ASAP2: variants seen among roughly 807,000 people sequenced by gnomAD.
ASAP2 encodes arf-GAP with SH3 domain, ANK repeat and PH domain-containing protein 2.
ASAP2 carries 45 observed loss-of-function variants against 131.4 expected under a neutral mutation model. That is an observed-to-expected ratio of 0.34 (90% CI 0.27 to 0.44). The LOEUF (loss-of-function observed/expected upper bound fraction) is 0.44. Among genes scored for constraint, ASAP2 ranks in the 20% least tolerant of loss-of-function variants. The pLI, the probability that ASAP2 is intolerant of heterozygous loss-of-function variation, is 1.00. For missense variants in ASAP2, 1,011 were observed against 1,297.0 expected (o/e 0.78, Z 3.39); for synonymous variants, 510 against 503.0 (o/e 1.01, Z -0.19).
intron 3 of ASAP2, among the ~76,000 whole-genome samples, chr2:9,299,677 G>T (rs1316544141): frequency 6.6e-6 from 1 of 152,220 alleles, no homozygotes; most frequent in South Asian, 2.1e-4. Flanking sequence ...GGCTGACGAC[G>T]TAGGAGACGG....
At chr2:9,344,041 T>G (rs578239646) in intron 9 of ASAP2, among the ~76,000 whole-genome samples, 1 of 152,322 alleles carries the variant, frequency 6.6e-6, no homozygotes, top group Non-Finnish European at 1.5e-5. Flanking sequence ...TCCTTACTGT[T>G]TATTGGCCTT....
intron 20 of ASAP2, among the ~76,000 whole-genome samples, chr2:9,382,606 T>C (rs1421909437): frequency 6.6e-6 from 1 of 152,236 alleles, no homozygotes; most frequent in Non-Finnish European, 1.5e-5. Flanking sequence ...AATGAGCACA[T>C]TCATTCTCCT....
intron 1 of ASAP2, among the ~76,000 whole-genome samples, chr2:9,215,155 C>T (rs909037999): frequency 6.6e-6 from 1 of 152,088 alleles, no homozygotes; most frequent in Non-Finnish European, 1.5e-5. Flanking sequence ...TGTTGAATAC[C>T]GTGGTAACTG....
chr2:9,354,440 G>A (rs1368061626), intron 12 of ASAP2, among the ~76,000 whole-genome samples: 4 of 152,190 alleles, frequency 2.6e-5, no homozygotes, highest in African/African-American at 9.7e-5. Flanking sequence ...TTTTTCCTCA[G>A]AGGTTTGCCT....
chr2:9,351,664 C>T (rs954980266), intron 12 of ASAP2, among the ~76,000 whole-genome samples: 2 of 152,168 alleles, frequency 1.3e-5, no homozygotes, highest in Non-Finnish European at 2.9e-5. Context: ...GTTCTCTGTG[C>T]CTCAGTACCC....
At chr2:9,372,332 A>G (rs1461965823) in intron 16 of ASAP2, among the ~76,000 whole-genome samples, 1 of 152,182 alleles carries the variant, frequency 6.6e-6, no homozygotes, top group Non-Finnish European at 1.5e-5. Context: ...CAGGAATAAA[A>G]TGGGTCTTCC....
chr2:9,353,830 C>T (rs1347904080), intron 12 of ASAP2, among the ~76,000 whole-genome samples: 1 of 151,860 alleles, frequency 6.6e-6, no homozygotes, highest in Non-Finnish European at 1.5e-5. Flanking sequence ...GGAATTGGGG[C>T]CAGGGGCAGT....
intron 2 of ASAP2, among the ~76,000 whole-genome samples, chr2:9,286,286 T>C (rs1667454250): frequency 6.6e-6 from 1 of 152,050 alleles, no homozygotes; most frequent in South Asian, 2.1e-4. Flanking sequence ...TAGTCCCAGC[T>C]GTTTGGGAGG....
At chr2:9,333,069 G>A (rs1349657140) in intron 7 of ASAP2, among the ~76,000 whole-genome samples, 1 of 152,156 alleles carries the variant, frequency 6.6e-6, no homozygotes, top group East Asian at 1.9e-4. Flanking sequence ...TGTTTTCACG[G>A]CGCCTTCTGT....
intron 3 of ASAP2, among the ~76,000 whole-genome samples, chr2:9,299,785 A>G (rs986744173): frequency 6.6e-6 from 1 of 152,204 alleles, no homozygotes; most frequent in African/African-American, 2.4e-5. Flanking sequence ...ACATGGAGAT[A>G]ATAATACCAT....
intron 9 of ASAP2, among the ~76,000 whole-genome samples, chr2:9,340,302 T>G (rs895119600): frequency 6.6e-6 from 1 of 152,206 alleles, no homozygotes; most frequent in African/African-American, 2.4e-5. Context: ...ATTACAGGCA[T>G]GAGCCACCGC....
chr2:9,229,290 T>A (rs1039543171), intron 1 of ASAP2, among the ~76,000 whole-genome samples: 1 of 152,190 alleles, frequency 6.6e-6, no homozygotes, highest in Non-Finnish European at 1.5e-5. Flanking sequence ...GCCCTGGGGA[T>A]GCTGACCCCT....
chr2:9,256,679 G>C (rs1297617910), intron 1 of ASAP2, among the ~76,000 whole-genome samples: 1 of 152,192 alleles, frequency 6.6e-6, no homozygotes, highest in Admixed American at 6.5e-5. Context: ...CAGGCCACTG[G>C]CATCCAACTG....
At chr2:9,319,407 G>A (rs969435868) in intron 4 of ASAP2, among the ~76,000 whole-genome samples, 20 of 152,212 alleles carry the variant, frequency 1.3e-4, no homozygotes, top group Non-Finnish European at 5.9e-5. Flanking sequence ...GAGTGTGCCC[G>A]GAGAGAGCTG....
intron 11 of ASAP2, among the ~76,000 whole-genome samples, chr2:9,347,644 T>G (rs963726478): frequency 6.6e-5 from 10 of 152,334 alleles, no homozygotes; most frequent in East Asian, 5.8e-4. Flanking sequence ...ATCCGGGAGA[T>G]TCGTTCAAAG....
chr2:9,328,659 T>C (rs1670629654), intron 7 of ASAP2, among the ~76,000 whole-genome samples: 1 of 152,232 alleles, frequency 6.6e-6, no homozygotes, highest in South Asian at 2.1e-4. Flanking sequence ...GTGTCAGTAC[T>C]TCAGTCTGAC....
chr2:9,323,367 A>G, intron 6 of ASAP2, 117 bp downstream of exon 6: 3 of 1,436,334 alleles, frequency 2.1e-6, no homozygotes, highest in Admixed American at 2.1e-5. Context: ...GCATTGCTGG[A>G]CTCCCTTTGC....
chr2:9,335,967 G>A (rs1671176322), intron 9 of ASAP2: 1 of 152,064 alleles, frequency 6.6e-6, no homozygotes. Flanking sequence ...CTATTTTATT[G>A]TAAGTTCTTG....
At chr2:9,291,367 A>G (rs1355194256) in intron 2 of ASAP2, among the ~76,000 whole-genome samples, 1 of 152,218 alleles carries the variant, frequency 6.6e-6, no homozygotes, top group Admixed American at 6.5e-5. Context: ...CTCTCACGAG[A>G]TGTCCACTAA....
Sources: allele counts gnomAD v4.1 joint callset (sites outside exome capture counted in the v4.1 genomes callset), GRCh38; gene constraint gnomAD v4.1.1; transcripts MANE v1.5; gene names NCBI Gene and HGNC (gene_info 2026-07-23, HGNC 2026-07-21).